The following ADGRB3 variants were observed in gnomAD, a reference collection of about 807,000 sequenced individuals.
The protein encoded by ADGRB3 is brain-specific angiogenesis inhibitor 3.
A neutral mutation model predicts 193.4 loss-of-function variants in ADGRB3; 37 were observed. The observed-to-expected ratio is 0.19, with a 90% CI of 0.15 to 0.25. The LOEUF (loss-of-function observed/expected upper bound fraction) is 0.25, where lower values mean the gene tolerates loss of function less well. Ranked by LOEUF, ADGRB3 falls within the 10% of genes least tolerant of loss-of-function variation. The pLI is 1.00. For missense variants in ADGRB3, 1,637 were observed against 1,852.9 expected (o/e 0.88, Z 2.14); for synonymous variants, 690 against 644.2 (o/e 1.07, Z -1.08).
intron 3 of ADGRB3, among the ~76,000 whole-genome samples, chr6:68,739,995 TACA>T (rs556907830): frequency 7.3e-4 from 94 of 129,522 alleles, no homozygotes; most frequent in African/African-American, 2.5e-3. Context: ...TAATAACAGG[TACA>T]ACATTATTAT....
chr6:68,773,470 T>C (rs1324711153), intron 3 of ADGRB3, among the ~76,000 whole-genome samples: 1 of 152,164 alleles, frequency 6.6e-6, no homozygotes, highest in African/African-American at 2.4e-5. Context: ...TATTAGTGCG[T>C]AGTGAGATAA....
chr6:68,985,576 A>C (rs1769047490), intron 10 of ADGRB3, among the ~76,000 whole-genome samples: 2 of 152,214 alleles, frequency 1.3e-5, no homozygotes, highest in South Asian at 4.1e-4. Context: ...CATGGAGGTG[A>C]CCATTGCCAT....
chr6:68,730,509 G>A (rs972296299), intron 3 of ADGRB3, among the ~76,000 whole-genome samples: 6 of 151,550 alleles, frequency 4.0e-5, no homozygotes, highest in African/African-American at 1.2e-4. Flanking sequence ...GAAAATATGG[G>A]CACATAAATA....
chr6:69,060,220 T>TC (rs1771697794), intron 15 of ADGRB3, among the ~76,000 whole-genome samples: 27 of 129,632 alleles, frequency 2.1e-4, no homozygotes, highest in Non-Finnish European at 3.0e-4. Context: ...CTCTCTCTCT[T>TC]TCTCTCTCTC....
At chr6:69,244,382 A>C (rs1028044245) in intron 20 of ADGRB3, among the ~76,000 whole-genome samples, 3 of 152,096 alleles carry the variant, frequency 2.0e-5, no homozygotes, top group Non-Finnish European at 1.5e-5. Context: ...TTTTTTAAAA[A>C]GTAAAACCTC....
chr6:68,813,429 A>G (rs866596962), intron 3 of ADGRB3, among the ~76,000 whole-genome samples: 1 of 152,192 alleles, frequency 6.6e-6, no homozygotes, highest in Non-Finnish European at 1.5e-5. Flanking sequence ...AAATACGTTA[A>G]TAGTAACAGT....
chr6:68,723,891 A>C (rs1765628221), intron 3 of ADGRB3, among the ~76,000 whole-genome samples: 1 of 151,606 alleles, frequency 6.6e-6, no homozygotes, highest in African/African-American at 2.4e-5. Flanking sequence ...GTCAGTATCT[A>C]AGAGGTTTGT....
intron 3 of ADGRB3, among the ~76,000 whole-genome samples, chr6:68,860,305 T>C (rs1306383738): frequency 1.3e-5 from 2 of 152,210 alleles, no homozygotes; most frequent in African/African-American, 4.8e-5. Flanking sequence ...TGTCCAATAG[T>C]GACATCTGGG....
chr6:69,048,868 A>G (rs1199410518), intron 14 of ADGRB3, among the ~76,000 whole-genome samples: 1 of 152,248 alleles, frequency 6.6e-6, no homozygotes, highest in Admixed American at 6.5e-5. Flanking sequence ...ATTTGAGAAA[A>G]AATTAAGTTT....
intron 17 of ADGRB3, among the ~76,000 whole-genome samples, chr6:69,138,270 T>C (rs1391041166): frequency 6.6e-6 from 1 of 152,182 alleles, no homozygotes; most frequent in Non-Finnish European, 1.5e-5. Flanking sequence ...AAAAATGTTG[T>C]AGGAAGACAC....
At chr6:69,203,544 T>C (rs906026503) in intron 17 of ADGRB3, among the ~76,000 whole-genome samples, 1 of 152,088 alleles carries the variant, frequency 6.6e-6, no homozygotes, top group African/African-American at 2.4e-5. Context: ...CATTGTTTCT[T>C]AAAAGCTCTC....
chr6:68,845,785 A>C (rs548830351), intron 3 of ADGRB3, among the ~76,000 whole-genome samples: 2 of 152,280 alleles, frequency 1.3e-5, no homozygotes, highest in African/African-American at 4.8e-5. Flanking sequence ...AGTTTCAGGC[A>C]TGTCTTTATC....
chr6:69,114,764 G>A (rs1291071630), intron 17 of ADGRB3, among the ~76,000 whole-genome samples: 5 of 152,084 alleles, frequency 3.3e-5, no homozygotes, highest in Non-Finnish European at 7.3e-5. Context: ...TTATTAAATC[G>A]GGAATCCTTT....
At chr6:69,223,665 T>C (rs1324738925) in intron 17 of ADGRB3, among the ~76,000 whole-genome samples, 23 of 147,890 alleles carry the variant, frequency 1.6e-4, no homozygotes, top group African/African-American at 5.0e-4. Context: ...TTTTTTTTTT[T>C]TTTTTTTTTG....
At chr6:68,791,352 T>C (rs1767103821) in intron 3 of ADGRB3, among the ~76,000 whole-genome samples, 1 of 152,250 alleles carries the variant, frequency 6.6e-6, no homozygotes, top group South Asian at 2.1e-4. Context: ...AAGTGTGTGT[T>C]CATACAATAT....
intron 15 of ADGRB3, among the ~76,000 whole-genome samples, chr6:69,055,784 TG>T (rs1771527284): frequency 6.6e-6 from 1 of 151,972 alleles, no homozygotes; most frequent in Non-Finnish European, 1.5e-5. Flanking sequence ...TGTCAACATT[TG>T]TTATGTTGTT....
intron 3 of ADGRB3, among the ~76,000 whole-genome samples, chr6:68,767,308 C>G (rs186398169): frequency 6.6e-6 from 1 of 151,998 alleles, no homozygotes; most frequent in Non-Finnish European, 1.5e-5. Context: ...ACTGGCAAGC[C>G]GAATCCAGCA....
At chr6:68,645,166 AT>A (rs1014824894) in intron 3 of ADGRB3, among the ~76,000 whole-genome samples, 25 of 150,484 alleles carry the variant, frequency 1.7e-4, no homozygotes, top group East Asian at 7.8e-4. Context: ...AGATTTTGTA[AT>A]TTTTTTTTTC....
intron 7 of ADGRB3, 82 bp downstream of exon 7, chr6:68,956,270 G>A: frequency 7.4e-7 from 1 of 1,348,420 alleles, no homozygotes; most frequent in Non-Finnish European, 9.9e-7. Context: ...TATGCCAGAG[G>A]GTCATGAAAG....
Sources: allele counts gnomAD v4.1 joint callset (sites outside exome capture counted in the v4.1 genomes callset), GRCh38; gene constraint gnomAD v4.1.1; transcripts MANE v1.5; gene names NCBI Gene and HGNC (gene_info 2026-07-23, HGNC 2026-07-21).